Variants in ATG10 observed in about 807,000 individuals in gnomAD.
ATG10 encodes the protein ubiquitin-like-conjugating enzyme ATG10.
ATG10 carries 30 observed loss-of-function variants against 32.1 expected under a neutral mutation model. That is an observed-to-expected ratio of 0.94 (90% CI 0.70 to 1.27). The LOEUF is 1.27. Ranked by LOEUF, ATG10 falls within the 50% of genes most tolerant of loss-of-function variation. ATG10 has a pLI of 0.00. For missense variants in ATG10, 233 were observed against 262.3 expected, an observed-to-expected ratio of 0.89 and a Z score of 0.77; for synonymous variants, 87 against 91.5, an observed-to-expected ratio of 0.95 and a Z score of 0.28.
At chr5:82,016,735 C>T (rs1398201664) in intron 2 of ATG10, among the ~76,000 whole-genome samples, 1 of 151,294 alleles carries the variant, frequency 6.6e-6, no homozygotes, top group Non-Finnish European at 1.5e-5. Context: ...GTTGCCCAGG[C>T]TGGAGTGCAG....
At chr5:82,172,295 G>T (rs1743838963) in intron 4 of ATG10, among the ~76,000 whole-genome samples, 1 of 152,178 alleles carries the variant, frequency 6.6e-6, no homozygotes, top group Non-Finnish European at 1.5e-5. Context: ...AAAAGCGCAT[G>T]GTCTAGAGTC....
At chr5:82,112,437 T>C (rs1765649822) in intron 3 of ATG10, among the ~76,000 whole-genome samples, 1 of 151,920 alleles carries the variant, frequency 6.6e-6, no homozygotes, top group Non-Finnish European at 1.5e-5. Flanking sequence ...TTGAGAATTC[T>C]GATTAATGCA....
In ATG10 at chr5:81,993,040, C is replaced by A. The variant is rs568557719; in HGVS notation, c.108+5362C>A. The stretch of plus-strand genomic sequence containing the variant: ...AGGAAGGTGGTACACTTGTTACACC[C>A]ATTGTTTACCATGATGGTCTGTCAG... On this transcript the variant is annotated intron_variant, in intron 2 of 7. Transcript: ENST00000282185. 1.1e-3 allele frequency among the ~76,000 whole-genome samples: 175 copies of A among 152,246 alleles called. 2 individuals carry two copies. Among genetic ancestry groups the A allele is most frequent in the Admixed American group, 2.3e-3 (35 of 15,298 alleles).
chr5:82,179,089 T>G (rs745765067), intron 5 of ATG10, among the ~76,000 whole-genome samples: 3 of 152,146 alleles, frequency 2.0e-5, no homozygotes, highest in Non-Finnish European at 4.4e-5. Flanking sequence ...AATAAAATAT[T>G]GAATAGCTTC....
intron 3 of ATG10, among the ~76,000 whole-genome samples, chr5:82,119,347 GC>G (rs1373243540): frequency 6.6e-6 from 1 of 152,144 alleles, no homozygotes; most frequent in Admixed American, 6.5e-5. Flanking sequence ...TCAATTTCTA[GC>G]CATTATAAAT....
intron 4 of ATG10, among the ~76,000 whole-genome samples, chr5:82,173,719 T>C (rs886734555): frequency 3.3e-5 from 5 of 152,200 alleles, no homozygotes; most frequent in African/African-American, 9.6e-5. Context: ...ATTGGTGCGA[T>C]TGAGTATCTT....
At chr5:81,974,003 T>G (rs2149648358) in intron 1 of ATG10, among the ~76,000 whole-genome samples, 1 of 152,328 alleles carries the variant, frequency 6.6e-6, no homozygotes. Context: ...ATGTATAATG[T>G]TTTGTGACAA....
chr5:81,980,747 C>T (rs1260220675), intron 1 of ATG10, among the ~76,000 whole-genome samples: 1 of 151,880 alleles, frequency 6.6e-6, no homozygotes, highest in Non-Finnish European at 1.5e-5. Flanking sequence ...GCACAGTACT[C>T]AGTGCACCTC....
At chr5:82,121,485 T>C (rs1766036431) in intron 3 of ATG10, among the ~76,000 whole-genome samples, 1 of 152,198 alleles carries the variant, frequency 6.6e-6, no homozygotes, top group Non-Finnish European at 1.5e-5. Flanking sequence ...TGGCTATGAC[T>C]TCCAATACTG....
At chr5:82,176,496 G>A (rs1744031887) in intron 4 of ATG10, among the ~76,000 whole-genome samples, 1 of 152,100 alleles carries the variant, frequency 6.6e-6, no homozygotes, top group Non-Finnish European at 1.5e-5. Context: ...ATGTCGTTCT[G>A]TAATTTGATT....
At chr5:82,051,712 G>T (rs530634630) in intron 2 of ATG10, among the ~76,000 whole-genome samples, 1 of 152,220 alleles carries the variant, frequency 6.6e-6, no homozygotes, top group South Asian at 2.1e-4. Flanking sequence ...GGATTGGGTG[G>T]ATATTTGGGG....
At chr5:81,986,012 C>A (rs920460846) in intron 1 of ATG10, among the ~76,000 whole-genome samples, 1 of 152,164 alleles carries the variant, frequency 6.6e-6, no homozygotes. Context: ...ATCCGCCTGC[C>A]TCGGCCTCCC....
chr5:82,016,553 G>T (rs1421570079), intron 2 of ATG10, among the ~76,000 whole-genome samples: 3 of 152,096 alleles, frequency 2.0e-5, no homozygotes, highest in Non-Finnish European at 4.4e-5. Context: ...TCTTGCTTTA[G>T]CTATGTAGGC....
intron 5 of ATG10, among the ~76,000 whole-genome samples, chr5:82,208,376 A>G (rs1327297581): frequency 1.3e-5 from 2 of 152,270 alleles, no homozygotes; most frequent in East Asian, 3.9e-4. Flanking sequence ...TTGGATCTAG[A>G]GGTCAATTCG....
chr5:82,241,890 G>C (rs1287390875), intron 5 of ATG10, among the ~76,000 whole-genome samples: 1 of 151,910 alleles, frequency 6.6e-6, no homozygotes, highest in Non-Finnish European at 1.5e-5. Flanking sequence ...CTTACCCTCA[G>C]GTCATGGAAT....
chr5:82,182,951 C>T (rs1186274233), intron 5 of ATG10, among the ~76,000 whole-genome samples: 2 of 151,740 alleles, frequency 1.3e-5, no homozygotes, highest in Non-Finnish European at 2.9e-5. Flanking sequence ...TACTATGTTC[C>T]CCAGGCTGCT....
chr5:81,992,626 A>C (rs1024956678), intron 2 of ATG10: 1 of 151,858 alleles, frequency 6.6e-6, no homozygotes, highest in Non-Finnish European at 1.5e-5. Context: ...CTGGTCTTGA[A>C]CACCTGACCT....
intron 3 of ATG10, among the ~76,000 whole-genome samples, chr5:82,072,465 T>C (rs547714216): frequency 6.6e-6 from 1 of 152,284 alleles, no homozygotes; most frequent in Admixed American, 6.5e-5. Flanking sequence ...TTTGCAGCAC[T>C]TTCCCAGGGG....
At chr5:82,133,187 G>A (rs1312110895) in intron 3 of ATG10, among the ~76,000 whole-genome samples, 1 of 152,146 alleles carries the variant, frequency 6.6e-6, no homozygotes, top group East Asian at 1.9e-4. Flanking sequence ...TCTGTAGGTT[G>A]CTTGTTCATT....
Sources: allele counts gnomAD v4.1 joint callset (sites outside exome capture counted in the v4.1 genomes callset), GRCh38; gene constraint gnomAD v4.1.1; transcripts MANE v1.5; gene names NCBI Gene and HGNC (gene_info 2026-07-23, HGNC 2026-07-21).